The following SLC2A9 variants were observed in gnomAD, a reference collection of about 807,000 sequenced individuals.
SLC2A9 encodes solute carrier family 2, facilitated glucose transporter member 9.
In SLC2A9, 39 loss-of-function variants were observed where a neutral mutation model predicts 50.6. The observed-to-expected ratio is 0.77, with a 90% CI of 0.60 to 1.01. SLC2A9 has a LOEUF of 1.01. Ranked by LOEUF, SLC2A9 falls within the 50% of genes least tolerant of loss-of-function variation. The pLI is 0.00. For missense variants in SLC2A9, 686 were observed against 677.6 expected, an observed-to-expected ratio of 1.01 and a Z score of -0.14; for synonymous variants, 324 against 276.9, an observed-to-expected ratio of 1.17 and a Z score of -1.69.
At chr4:9,994,007 G>C (rs1758165682) in intron 3 of SLC2A9, among the ~76,000 whole-genome samples, 1 of 152,168 alleles carries the variant, frequency 6.6e-6, no homozygotes, top group Admixed American at 6.5e-5. Flanking sequence ...CTATACCTTT[G>C]AGCACCTTCC....
chr4:9,986,861 G>C (rs1484199208), intron 3 of SLC2A9, among the ~76,000 whole-genome samples: 1 of 152,166 alleles, frequency 6.6e-6, no homozygotes, highest in East Asian at 1.9e-4. Context: ...TGGGGACCTG[G>C]ATTCCTGCAC....
intron 10 of SLC2A9, among the ~76,000 whole-genome samples, chr4:9,851,181 T>C (rs1264354900): frequency 6.6e-6 from 1 of 152,164 alleles, no homozygotes; most frequent in African/African-American, 2.4e-5. Context: ...CGAAGTGTTG[T>C]GGTCATTGGG....
intron 7 of SLC2A9, among the ~76,000 whole-genome samples, chr4:9,914,614 C>T (rs890241286): frequency 1.3e-5 from 2 of 152,186 alleles, no homozygotes; most frequent in African/African-American, 4.8e-5. Flanking sequence ...GGGCAATTGA[C>T]CATCTAACGT....
chr4:9,928,475 T>C (rs1456313005), intron 6 of SLC2A9, among the ~76,000 whole-genome samples: 2 of 152,252 alleles, frequency 1.3e-5, no homozygotes, highest in Non-Finnish European at 2.9e-5. Context: ...CTTTCGCCTG[T>C]AATCCCAGCA....
At position 10,021,357 on chromosome 4, in the gene SLC2A9, C is replaced by T. The variant is rs2276961; in HGVS notation, c.73G>A (p.Gly25Arg). 0.52 allele frequency: 847,044 copies of T among 1,613,966 alleles called. 227,232 individuals are homozygous for T. Among genetic ancestry groups the T allele is most frequent in the South Asian group, 0.6 (54,282 of 91,084 alleles). Reference protein sequence around the residue: ...VPLTDDTSHAGPPGPGRALLE... With the variant: ...VPLTDDTSHARPPGPGRALLE... Reference sequence around the variant, plus strand: ...AGTGCCCTCCCTGGCCCTGGAGGCCCGGCGTGGCTGGTGTCATCTGTGAGG... The same window carrying T: ...AGTGCCCTCCCTGGCCCTGGAGGCCTGGCGTGGCTGGTGTCATCTGTGAGG... The change falls in exon 1 of 12, where the codon GGG (glycine) becomes AGG (arginine). Residue 25 changes from glycine (G) to arginine (R), a missense_variant. Coordinates refer to ENST00000264784, the MANE Select transcript of SLC2A9 (RefSeq NM_020041.3).
chr4:9,824,426 A>G (rs138475000), downstream of SLC2A9, among the ~76,000 whole-genome samples: 825 of 152,344 alleles, frequency 5.4e-3, 4 homozygotes, highest in Non-Finnish European at 8.0e-3. Flanking sequence ...AATAACATGT[A>G]AGAATAATTC....
intron 2 of SLC2A9, among the ~76,000 whole-genome samples, chr4:9,997,911 T>A (rs575193433): frequency 2.0e-5 from 3 of 152,222 alleles, no homozygotes; most frequent in African/African-American, 7.2e-5. Context: ...TACAAATAAA[T>A]CCTATCTACG....
At chr4:9,903,878 TTA>T (rs1740127946) in intron 8 of SLC2A9, among the ~76,000 whole-genome samples, 2 of 147,454 alleles carry the variant, frequency 1.4e-5, no homozygotes, top group African/African-American at 2.5e-5. Context: ...ATTATAAATT[TTA>T]TATATTTATA....
chr4:9,885,147 G>A (rs1350475525), intron 10 of SLC2A9, among the ~76,000 whole-genome samples: 2 of 152,008 alleles, frequency 1.3e-5, no homozygotes, highest in Non-Finnish European at 2.9e-5. Flanking sequence ...ACAAACCTGC[G>A]AGTCCTGCAC....
chr4:9,867,415 T>C (rs1002731891), intron 10 of SLC2A9, among the ~76,000 whole-genome samples: 7 of 152,220 alleles, frequency 4.6e-5, no homozygotes, highest in African/African-American at 1.4e-4. Flanking sequence ...CTTGAGTTTC[T>C]TGTGAAAGGA....
At chr4:9,975,472 A>G (rs570489712) in intron 5 of SLC2A9, among the ~76,000 whole-genome samples, 12 of 152,378 alleles carry the variant, frequency 7.9e-5, no homozygotes, top group African/African-American at 2.9e-4. Flanking sequence ...AAAAGAAGAC[A>G]TACAAGTGGC....
rs985361091 is a variant in SLC2A9 at position 9,835,065 on chromosome 4, G to C, written c.1292-57C>G. Reference sequence around the variant, plus strand: ...TCACTCTGAGAAGGTCATGCCTCCAGCATCCATCTCCATCTGCCACACTTT... The same window carrying C: ...TCACTCTGAGAAGGTCATGCCTCCACCATCCATCTCCATCTGCCACACTTT... On this transcript the variant is annotated intron_variant, in intron 10 of 11. Transcript: ENST00000264784. 16 of 1,610,954 alleles carry C rather than the reference G, an allele frequency of 9.9e-6. No homozygotes were observed. In the East Asian group the frequency reaches 3.6e-4, roughly 36 times the overall value.
At chr4:10,014,201 C>T (rs575848438) in intron 2 of SLC2A9, among the ~76,000 whole-genome samples, 62 of 152,222 alleles carry the variant, frequency 4.1e-4, no homozygotes, top group South Asian at 2.7e-3. Context: ...GTTTCTAAGC[C>T]CACTGCAAGG....
chr4:9,951,611 AT>A (rs1366704169), intron 5 of SLC2A9, among the ~76,000 whole-genome samples: 1 of 133,862 alleles, frequency 7.5e-6, no homozygotes, highest in Admixed American at 7.7e-5. Context: ...TCAATATGGA[AT>A]CAGAAAAGTT....
intron 2 of SLC2A9, among the ~76,000 whole-genome samples, chr4:10,018,536 A>T (rs1341277058): frequency 3.6e-5 from 3 of 83,284 alleles, no homozygotes; most frequent in Non-Finnish European, 5.3e-5. Flanking sequence ...GTGAGACTCC[A>T]TCTCAAAGAT....
chr4:9,908,178 C>T (rs1741031865), intron 8 of SLC2A9, 57 bp downstream of exon 8: 1 of 1,167,932 alleles, frequency 8.6e-7, no homozygotes, highest in African/African-American at 1.5e-5. Flanking sequence ...ATGAACATTC[C>T]CACTGTGCTG....
chr4:9,794,149 C>CT (rs1376089385), downstream of SLC2A9, among the ~76,000 whole-genome samples: 1,888 of 146,302 alleles, frequency 0.013, 25 homozygotes, highest in African/African-American at 0.03. Context: ...TCATTAATTC[C>CT]TTTTTTTTGT....
intron 3 of SLC2A9, among the ~76,000 whole-genome samples, chr4:9,800,010 A>T (rs999876177): frequency 6.6e-6 from 1 of 152,238 alleles, no homozygotes; most frequent in African/African-American, 2.4e-5. Flanking sequence ...CATTAGTAAC[A>T]TCCCTTGGTC....
chr4:9,782,660 G>T, intron 3 of SLC2A9: 2 of 1,614,004 alleles, frequency 1.2e-6, no homozygotes, highest in Middle Eastern at 1.7e-4. Flanking sequence ...TTGGGAGCCC[G>T]ACGTGAATGC....
Sources: allele counts gnomAD v4.1 joint callset (sites outside exome capture counted in the v4.1 genomes callset), GRCh38; gene constraint gnomAD v4.1.1; transcripts MANE v1.5; gene names NCBI Gene and HGNC (gene_info 2026-07-23, HGNC 2026-07-21).